The following TERB2 variants were observed in gnomAD, a reference collection of about 807,000 sequenced individuals.
The protein encoded by TERB2 is telomere repeats-binding bouquet formation protein 2.
Under a neutral mutation model 29.8 loss-of-function variants are expected in TERB2, and 26 were observed. The ratio of observed to expected loss-of-function variants is 0.87; its 90% CI spans 0.64 to 1.21. TERB2 has a LOEUF of 1.21. TERB2 is among the 50% of genes most tolerant of loss of function. The pLI, the probability that TERB2 is intolerant of heterozygous loss-of-function variation, is 0.00. For missense variants in TERB2, 240 were observed against 268.6 expected, an observed-to-expected ratio of 0.89 and a Z score of 0.74; for synonymous variants, 80 against 90.8, an observed-to-expected ratio of 0.88 and a Z score of 0.68.
At chr15:44,965,544 ATAT>A (rs1891875160) in intron 4 of TERB2, among the ~76,000 whole-genome samples, 1 of 144,320 alleles carries the variant, frequency 6.9e-6, no homozygotes, top group African/African-American at 2.5e-5. Flanking sequence ...ATACATTTAT[ATAT>A]TATATATTTA....
At chr15:44,977,089 C>A (rs1484211651) in intron 6 of TERB2, among the ~76,000 whole-genome samples, 1 of 118,094 alleles carries the variant, frequency 8.5e-6, no homozygotes, top group Non-Finnish European at 1.7e-5. Context: ...CAAAATAAGA[C>A]CCTGTCAAAA....
intron 5 of TERB2, among the ~76,000 whole-genome samples, chr15:44,966,832 C>G (rs747491130): frequency 1.3e-5 from 2 of 152,056 alleles, no homozygotes; most frequent in Non-Finnish European, 2.9e-5. Flanking sequence ...GGCATTGTGC[C>G]GCATGCTTGT....
At chr15:44,971,463 G>T (rs1311346183) in intron 5 of TERB2, among the ~76,000 whole-genome samples, 1 of 152,126 alleles carries the variant, frequency 6.6e-6, no homozygotes, top group Admixed American at 6.6e-5. Flanking sequence ...TGTTAATAAT[G>T]AAAGTATTCC....
At chr15:44,973,744 A>G (rs1007647644) in intron 5 of TERB2, 123 bp from the exon 6 acceptor site, 4 of 689,670 alleles carry the variant, frequency 5.8e-6, no homozygotes, top group Non-Finnish European at 7.4e-6. Context: ...GGTATAGTAT[A>G]CTATAGTAAA....
At chr15:44,965,733 G>T (rs886446806) in intron 4 of TERB2, among the ~76,000 whole-genome samples, 44 of 150,706 alleles carry the variant, frequency 2.9e-4, no homozygotes, top group Non-Finnish European at 4.4e-5. Flanking sequence ...TTATATTTTT[G>T]ATTTGTAGCT....
At position 44,973,955 on chromosome 15, in the gene TERB2, G is replaced by C. The variant is rs1892007314; in HGVS notation, c.523G>C (p.Gly175Arg). 1 of 1,585,078 alleles carries C rather than the reference G, an allele frequency of 6.3e-7. No homozygotes were observed. The highest frequency in any genetic ancestry group is 8.6e-7 in the Non-Finnish European group (1 of 1,164,732). Residue 175 changes from glycine (G) to arginine (R), a missense_variant and splice_region_variant, in exon 6 of 7, where the codon GGT (glycine) becomes CGT (arginine). Transcript: ENST00000340827. ...QNYPVNNMVT[G>R]YISIDAMKKF... ...TTACCCAGTTAACAACATGGTAACA[G>C]GTAGTTTAAAATAAAATTTAGAGTA...
chr15:44,973,867 C>T lies in TERB2; in HGVS notation c.435C>T (p.Ser145=), dbSNP rs760189817. The part of the protein sequence containing the change: ...ATEHKKELSK[S]PEKHFIRTPV... ...ACTTTCTGTATGCTTTATTTTACAG[C>T]CCAGAAAAGCATTTTATAAGAACTC... is the stretch of plus-strand genomic sequence containing the variant. The change falls in exon 6 of 7, where the codon AGC becomes AGT. Residue 145 remains serine, a splice_region_variant and synonymous_variant. Transcript: ENST00000340827. The T allele has an allele frequency of 5.7e-6, 9 of 1,584,594 alleles. No individual in the cohort carries two copies. Among genetic ancestry groups the T allele is most frequent in the Non-Finnish European group, 7.7e-6 (9 of 1,163,514 alleles).
intron 3 of TERB2, among the ~76,000 whole-genome samples, chr15:44,961,100 A>G (rs543164234): frequency 1.3e-5 from 2 of 150,858 alleles, no homozygotes; most frequent in East Asian, 3.9e-4. Context: ...CATCTAATGT[A>G]TATCTAATGA....
chr15:44,966,371 T>G, intron 5 of TERB2, 128 bp downstream of exon 5: 1 of 452,718 alleles, frequency 2.2e-6, no homozygotes, highest in Non-Finnish European at 3.6e-6. Context: ...ATTCCCATTA[T>G]ACAAAAAAAA....
chr15:44,965,536 ACATT>A (rs1891874780), intron 4 of TERB2, among the ~76,000 whole-genome samples: 1 of 144,284 alleles, frequency 6.9e-6, no homozygotes, highest in African/African-American at 2.5e-5. Context: ...TATATATTAT[ACATT>A]TATATATTAT....
intron 5 of TERB2, among the ~76,000 whole-genome samples, chr15:44,972,887 G>GTTTT (rs71902044): frequency 3.5e-5 from 5 of 141,174 alleles, no homozygotes; most frequent in East Asian, 2.1e-4. Flanking sequence ...AACATCAATT[G>GTTTT]TTTTTTTTTT....
At chr15:44,957,410 A>G (rs775854745) in intron 2 of TERB2, among the ~76,000 whole-genome samples, 36 of 151,930 alleles carry the variant, frequency 2.4e-4, no homozygotes, top group Non-Finnish European at 3.5e-4. Flanking sequence ...CTGAATTCCA[A>G]GTGTGTGTTT....
In TERB2 at chr15:44,965,514, GAT is replaced by G. The variant is rs1185029119; in HGVS notation, c.349-636_349-635del. ...TATAGATATATATTATATTTATATAGATATATATAATTATATATTATACATTT... is the reference window on the plus strand; with the variant it reads ...TATAGATATATATTATATTTATATAGATATATAATTATATATTATACATTT... On this transcript the variant is annotated intron_variant, in intron 4 of 6. Coordinates refer to ENST00000340827, the MANE Select transcript of TERB2 (RefSeq NM_152448.3). Among the ~76,000 whole-genome samples the G allele has an allele frequency of 8.4e-4, 115 of 137,338 alleles. 1 individual carries two copies. In the East Asian group the frequency reaches 0.013, roughly 16 times the overall value. The allele number at this position is 137,338 out of a possible 152,430, so 90.1% of individuals were successfully genotyped here.
At chr15:44,960,306 C>A (rs186668461) in intron 3 of TERB2, among the ~76,000 whole-genome samples, 3 of 152,018 alleles carry the variant, frequency 2.0e-5, no homozygotes, top group African/African-American at 7.2e-5. Flanking sequence ...AAATGTGAGC[C>A]ACATATGAAT....
intron 4 of TERB2, among the ~76,000 whole-genome samples, chr15:44,965,928 T>A (rs1891882006): frequency 6.6e-6 from 1 of 152,030 alleles, no homozygotes; most frequent in Admixed American, 6.6e-5. Flanking sequence ...TATTTAAAAT[T>A]CTGGTCTTCT....
At chr15:44,957,039 G>A (rs1891726860) in intron 2 of TERB2, 62 bp downstream of exon 2, 1 of 1,512,306 alleles carries the variant, frequency 6.6e-7, no homozygotes, top group South Asian at 1.1e-5. Context: ...AGGGATGGAA[G>A]TTGCAGTCCA....
intron 4 of TERB2, chr15:44,963,081 A>G (rs1203186127): frequency 2.0e-5 from 3 of 152,218 alleles, no homozygotes; most frequent in Non-Finnish European, 4.4e-5. Flanking sequence ...AGAAAGATAA[A>G]ATAGAAAAAT....
chr15:44,965,093 G>A (rs1891862463), intron 4 of TERB2, among the ~76,000 whole-genome samples: 1 of 147,932 alleles, frequency 6.8e-6, no homozygotes, highest in African/African-American at 2.5e-5. Flanking sequence ...AACTTGGGAG[G>A]CGGAGGTTGC....
chr15:44,961,663 A>T, intron 4 of TERB2, 79 bp downstream of exon 4: 1 of 976,634 alleles, frequency 1.0e-6, no homozygotes, highest in Non-Finnish European at 1.6e-6. Flanking sequence ...TAAAATGTTT[A>T]TTTGTGACAT....
Sources: gnomAD v4.1 joint callset for allele counts (sites outside exome capture counted in the v4.1 genomes callset) on GRCh38, gnomAD v4.1.1 for gene constraint, MANE v1.5 for transcripts, NCBI Gene and HGNC (gene_info 2026-07-23, HGNC 2026-07-21) for gene names.